SRRM3: variants seen among roughly 807,000 people sequenced by gnomAD.
SRRM3 encodes the protein serine/arginine repetitive matrix protein 3.
A neutral mutation model predicts 66.2 loss-of-function variants in SRRM3; 27 were observed. The observed-to-expected ratio is 0.41, with a 90% confidence interval of 0.30 to 0.56. SRRM3 has a LOEUF of 0.56. Ranked by LOEUF, SRRM3 falls within the 20% of genes least tolerant of loss-of-function variation. SRRM3 has a pLI of 0.32. For missense variants in SRRM3, 918 were observed against 991.9 expected (o/e 0.93, Z 1.00); for synonymous variants, 391 against 414.9 (o/e 0.94, Z 0.70).
chr7:76,278,903 T>A (rs984810767), intron 11 of SRRM3, among the ~76,000 whole-genome samples: 1 of 152,128 alleles, frequency 6.6e-6, no homozygotes, highest in Non-Finnish European at 1.5e-5. Flanking sequence ...CTCCTTCCAG[T>A]CCCTAGCGGC....
intron 1 of SRRM3, among the ~76,000 whole-genome samples, chr7:76,212,399 C>T (rs1800456041): frequency 6.6e-6 from 1 of 151,356 alleles, no homozygotes; most frequent in South Asian, 2.1e-4. Context: ...TCAACTGATC[C>T]TCCCACCTCG....
chr7:76,278,141 G>A (rs1188838363), intron 11 of SRRM3, among the ~76,000 whole-genome samples: 1 of 152,168 alleles, frequency 6.6e-6, no homozygotes, highest in Non-Finnish European at 1.5e-5. Flanking sequence ...GGGGGAGTAT[G>A]TGTTAGGGGA....
chr7:76,276,468 A>G (rs1216620548), intron 11 of SRRM3, among the ~76,000 whole-genome samples: 1 of 152,138 alleles, frequency 6.6e-6, no homozygotes, highest in African/African-American at 2.4e-5. Flanking sequence ...ACCAGGTTCT[A>G]TGGGATCATA....
chr7:76,265,319 G>A, intron 9 of SRRM3, 45 bp from the exon 10 acceptor site: 1 of 1,479,842 alleles, frequency 6.8e-7, no homozygotes, highest in Non-Finnish European at 9.2e-7. Flanking sequence ...GGGGATCACG[G>A]GGGGCAGAAT....
chr7:76,215,981 G>A (rs1208341297), intron 1 of SRRM3, among the ~76,000 whole-genome samples: 2 of 127,052 alleles, frequency 1.6e-5, no homozygotes, highest in African/African-American at 3.0e-5. Flanking sequence ...TTTTTTTTTT[G>A]TATTTTTAGT....
intron 14 of SRRM3, chr7:76,283,797 C>T: frequency 1.0e-6 from 1 of 985,430 alleles, no homozygotes; most frequent in Non-Finnish European, 1.2e-6. Flanking sequence ...ATCAGTTTCT[C>T]TGCTAGGACT....
At chr7:76,250,916 C>T (rs1472790391) in intron 3 of SRRM3, among the ~76,000 whole-genome samples, 1 of 152,182 alleles carries the variant, frequency 6.6e-6, no homozygotes, top group Non-Finnish European at 1.5e-5. Flanking sequence ...CTACCCCCAC[C>T]CAGGGCCCCT....
At chr7:76,209,046 C>G (rs1800368707) in intron 1 of SRRM3, among the ~76,000 whole-genome samples, 1 of 152,098 alleles carries the variant, frequency 6.6e-6, no homozygotes, top group Non-Finnish European at 1.5e-5. Context: ...CTGCAACGAG[C>G]TATGATTGCA....
intron 3 of SRRM3, among the ~76,000 whole-genome samples, chr7:76,249,366 C>T (rs1030802602): frequency 1.4e-5 from 2 of 143,226 alleles, no homozygotes; most frequent in Admixed American, 6.9e-5. Context: ...GGTGACAGAG[C>T]GAGACTCTGT....
chr7:76,258,504 G>A (rs527884581), intron 3 of SRRM3, among the ~76,000 whole-genome samples: 1 of 149,280 alleles, frequency 6.7e-6, no homozygotes, highest in African/African-American at 2.5e-5. Flanking sequence ...CACAAGGTCA[G>A]GAGTTCAAGA....
chr7:76,264,651 A>C (rs1801963985), intron 8 of SRRM3, 114 bp from the exon 9 acceptor site: 1 of 1,088,650 alleles, frequency 9.2e-7, no homozygotes, highest in East Asian at 2.5e-5. Flanking sequence ...CATGGGGCTT[A>C]GGCCCTAGAG....
At chr7:76,229,733 T>A (rs1050126264) in intron 1 of SRRM3, among the ~76,000 whole-genome samples, 1 of 150,592 alleles carries the variant, frequency 6.6e-6, no homozygotes, top group South Asian at 2.1e-4. Context: ...CACTTTCTTC[T>A]TCTTCTTCTT....
intron 3 of SRRM3, among the ~76,000 whole-genome samples, chr7:76,255,148 C>CTTTTTTTTTTTTTTTTTT (rs57880700): frequency 4.7e-4 from 39 of 83,170 alleles, no homozygotes; most frequent in Middle Eastern, 7.9e-3. Context: ...TTCTTTCTTT[C>CTTTTTTTTTTTTTTTTTT]TTTTTTTTTT....
chr7:76,242,333 A>G (rs1801325546), intron 2 of SRRM3, among the ~76,000 whole-genome samples: 1 of 151,942 alleles, frequency 6.6e-6, no homozygotes, highest in Non-Finnish European at 1.5e-5. Flanking sequence ...AAAAATACAA[A>G]AATTAGCTGG....
intron 11 of SRRM3, among the ~76,000 whole-genome samples, chr7:76,275,593 C>T (rs369634220): frequency 6.6e-6 from 1 of 152,048 alleles, no homozygotes; most frequent in African/African-American, 2.4e-5. Context: ...GAGGAGGGTC[C>T]GTCCTTGAGG....
intron 1 of SRRM3, among the ~76,000 whole-genome samples, chr7:76,206,119 C>T (rs536156231): frequency 2.4e-4 from 37 of 152,116 alleles, no homozygotes; most frequent in Middle Eastern, 3.4e-3. Context: ...GTGATCCTCC[C>T]GCCTCAGCCT....
Position 76,281,816 on chromosome 7 carries a change from A to C in SRRM3, c.1370+14A>C. 7.4e-7 allele frequency: 1 copy of C among 1,346,570 alleles called. No individual in the cohort carries two copies. Among genetic ancestry groups the C allele is most frequent in the Non-Finnish European group, 9.5e-7 (1 of 1,049,214 alleles). 83.4% of individuals were successfully genotyped at this position (1,346,570 alleles called of 1,614,324 possible). A position where few individuals can be genotyped will look rare whatever the true frequency, so the allele number is the denominator to read the frequency against. On this transcript the variant is annotated intron_variant, in intron 12 of 14. Coordinates refer to ENST00000611745, the MANE Select transcript of SRRM3 (RefSeq NM_001110199.3). ...ACACGGGAAACGGTGAGCGTGCTGGACCCGGAGCTGGACTCCCGCCCCCAC... is the reference window on the plus strand; with the variant it reads ...ACACGGGAAACGGTGAGCGTGCTGGCCCCGGAGCTGGACTCCCGCCCCCAC...
Position 76,282,653 on chromosome 7 carries a change from A to C in SRRM3, c.1376A>C (p.Lys459Thr). 1 of 1,404,398 alleles carries C rather than the reference A, an allele frequency of 7.1e-7. No individual in the cohort carries two copies. Among genetic ancestry groups the C allele is most frequent in the South Asian group, 1.5e-5 (1 of 66,724 alleles). The allele number at this position is 1,404,398 out of a possible 1,614,324, so 87.0% of individuals were successfully genotyped here. A position where few individuals can be genotyped will look rare whatever the true frequency, so the allele number is the denominator to read the frequency against. ...GCGCCGTCTCCCTCCTCCAGGGCCAAGGAGCGGCCCCCGCGCGCGCGGCCC... is the reference window on the plus strand; with the variant it reads ...GCGCCGTCTCCCTCCTCCAGGGCCACGGAGCGGCCCCCGCGCGCGCGGCCC... Reference protein sequence around the residue: ...RGHGGHGKRAKERPPRARPAS... With the variant: ...RGHGGHGKRATERPPRARPAS... The change falls in exon 13 of 15, where the codon AAG (lysine) becomes ACG (threonine). Residue 459 changes from lysine (K) to threonine (T), a missense_variant. Transcript: ENST00000611745.
At chr7:76,209,669 ATCATAGCTCACTGCAGCC>A (rs1334186129) in intron 1 of SRRM3, among the ~76,000 whole-genome samples, 1 of 149,198 alleles carries the variant, frequency 6.7e-6, no homozygotes, top group Non-Finnish European at 1.5e-5. Context: ...CAATAGTGAG[ATCATAGCTCACTGCAGCC>A]TCCAACTCCT....
Sources: gnomAD v4.1 joint callset for allele counts (sites outside exome capture counted in the v4.1 genomes callset) on GRCh38, gnomAD v4.1.1 for gene constraint, MANE v1.5 for transcripts, NCBI Gene and HGNC (gene_info 2026-07-23, HGNC 2026-07-21) for gene names.